The following SNTG1 variants were observed in gnomAD, a reference collection of about 807,000 sequenced individuals.
SNTG1 encodes gamma-1-syntrophin.
SNTG1 carries 39 observed loss-of-function variants against 74.7 expected under a neutral mutation model. The ratio of observed to expected loss-of-function variants is 0.52; its 90% CI spans 0.40 to 0.68. The LOEUF (loss-of-function observed/expected upper bound fraction) is 0.68. SNTG1 is among the 30% of genes least tolerant of loss of function. The probability of loss-of-function intolerance (pLI) is 0.00; values close to 1 mark genes in which losing one functional copy is unlikely to be tolerated. For missense variants in SNTG1, 685 were observed against 609.5 expected, an observed-to-expected ratio of 1.12 and a Z score of -1.30; for synonymous variants, 254 against 217.1, an observed-to-expected ratio of 1.17 and a Z score of -1.49.
intron 8 of SNTG1, among the ~76,000 whole-genome samples, chr8:50,492,135 T>A (rs12547235): frequency 6.6e-6 from 1 of 152,058 alleles, no homozygotes; most frequent in South Asian, 2.1e-4. Context: ...CAGTCTATCA[T>A]TGATGGGCAT....
intron 2 of SNTG1, among the ~76,000 whole-genome samples, chr8:50,258,160 G>A (rs1301183523): frequency 6.6e-6 from 1 of 152,154 alleles, no homozygotes; most frequent in East Asian, 1.9e-4. Flanking sequence ...ATGCAGAGTT[G>A]CTACAATATA....
chr8:50,587,825 A>C (rs1462950847), intron 12 of SNTG1, among the ~76,000 whole-genome samples: 2 of 146,126 alleles, frequency 1.4e-5, no homozygotes, highest in Non-Finnish European at 3.0e-5. Context: ...AAAAAGAAAA[A>C]AAAATTTAGC....
chr8:50,054,431 A>G (rs1222787356), intron 1 of SNTG1, among the ~76,000 whole-genome samples: 1 of 151,938 alleles, frequency 6.6e-6, no homozygotes, highest in Non-Finnish European at 1.5e-5. Context: ...CTTAACCATT[A>G]CTTATCTCCT....
intron 6 of SNTG1, among the ~76,000 whole-genome samples, chr8:50,450,232 A>G (rs2093443336): frequency 6.6e-6 from 1 of 152,218 alleles, no homozygotes; most frequent in African/African-American, 2.4e-5. Context: ...TTGAATGTCT[A>G]TGTCTTAAAC....
intron 1 of SNTG1, among the ~76,000 whole-genome samples, chr8:50,063,504 T>C (rs1820648804): frequency 6.6e-6 from 1 of 152,226 alleles, no homozygotes; most frequent in African/African-American, 2.4e-5. Flanking sequence ...CAGGATACTT[T>C]GGCTATCTTG....
In SNTG1 at chr8:50,620,909, G is replaced by T. The variant is rs549217958; in HGVS notation, c.849+29992G>T. ...AAATAAAGTGATTGTGGCTAGAGAG[G>T]CATGGATGATAGAAAGCAGGATCTC... On this transcript the variant is annotated intron_variant, in intron 13 of 18. Coordinates refer to ENST00000642720, the MANE Select transcript of SNTG1 (RefSeq NM_018967.5). 7.9e-5 allele frequency among the ~76,000 whole-genome samples: 12 copies of T among 152,260 alleles called. No homozygotes were observed. The South Asian group carries it at 2.3e-3, about 29-fold the overall frequency.
chr8:49,967,575 G>A (rs981926612), intron 1 of SNTG1, among the ~76,000 whole-genome samples: 10 of 110,964 alleles, frequency 9.0e-5, no homozygotes, highest in African/African-American at 2.9e-4. Flanking sequence ...GTTTTAATTC[G>A]AATTGGTTAA....
At chr8:50,406,301 A>G (rs2092875656) in intron 4 of SNTG1, among the ~76,000 whole-genome samples, 1 of 152,082 alleles carries the variant, frequency 6.6e-6, no homozygotes, top group South Asian at 2.1e-4. Context: ...AATTTTTGAT[A>G]GTATTGTTAA....
rs574191576 is a variant in SNTG1, at chr8:50,212,112, T to G, written c.-28+39477T>G. ...TTTTACATCTTTCTCTCAAAACTGG[T>G]TTTTTTTTCTCTCATTTTCTTCATC... On this transcript the variant is annotated intron_variant, in intron 2 of 18. Transcript: ENST00000642720. Among the ~76,000 whole-genome samples, 18 of 151,258 alleles carry G rather than the reference T, an allele frequency of 1.2e-4. No individual in the cohort carries two copies. The South Asian group carries it at 3.8e-3, about 32-fold the overall frequency.
intron 12 of SNTG1, among the ~76,000 whole-genome samples, chr8:50,585,507 T>C (rs1180689410): frequency 6.6e-6 from 1 of 152,200 alleles, no homozygotes; most frequent in African/African-American, 2.4e-5. Context: ...AGCATTGGTT[T>C]CTAAGAAGTG....
intron 2 of SNTG1, among the ~76,000 whole-genome samples, chr8:50,281,802 T>G (rs2088473376): frequency 6.6e-6 from 1 of 152,160 alleles, no homozygotes; most frequent in Non-Finnish European, 1.5e-5. Flanking sequence ...CTTCGAGTAT[T>G]TATATAAGTG....
intron 2 of SNTG1, among the ~76,000 whole-genome samples, chr8:50,353,340 C>A (rs964721285): frequency 6.6e-6 from 1 of 151,772 alleles, no homozygotes; most frequent in East Asian, 1.9e-4. Context: ...ACCAACATGG[C>A]GCATGTATAC....
intron 4 of SNTG1, among the ~76,000 whole-genome samples, chr8:50,405,924 T>TATTA (rs1394939533): frequency 6.6e-6 from 1 of 152,150 alleles, no homozygotes; most frequent in Non-Finnish European, 1.5e-5. Flanking sequence ...TATTCTAGTT[T>TATTA]ATTAGTCTAT....
At chr8:50,478,143 C>T (rs776104965) in intron 8 of SNTG1, among the ~76,000 whole-genome samples, 19 of 152,270 alleles carry the variant, frequency 1.2e-4, no homozygotes, top group Non-Finnish European at 2.4e-4. Context: ...CATATCAGCT[C>T]TTCTACCAGC....
At chr8:50,512,624 C>A (rs1011584486) in intron 9 of SNTG1, among the ~76,000 whole-genome samples, 1 of 152,094 alleles carries the variant, frequency 6.6e-6, no homozygotes, top group East Asian at 1.9e-4. Context: ...TCTTTTTATT[C>A]TTTTTTCTCT....
intron 15 of SNTG1, among the ~76,000 whole-genome samples, chr8:50,693,474 T>C (rs1453766449): frequency 3.9e-5 from 6 of 152,082 alleles, no homozygotes; most frequent in African/African-American, 1.2e-4. Context: ...CACCTAAATA[T>C]ATAAAGCCAA....
At chr8:50,508,028 A>T (rs1477785928) in intron 9 of SNTG1, among the ~76,000 whole-genome samples, 1 of 151,658 alleles carries the variant, frequency 6.6e-6, no homozygotes, top group Non-Finnish European at 1.5e-5. Context: ...TTAACTCATC[A>T]TTTAACGTTA....
intron 17 of SNTG1, 70 bp downstream of exon 17, chr8:50,709,048 CAT>C: frequency 9.2e-7 from 1 of 1,089,966 alleles, no homozygotes. Flanking sequence ...TTAAATGCCT[CAT>C]AACTCCTTTC....
rs75802659 is a variant in SNTG1 at position 50,218,796 on chromosome 8, G to A, written c.-28+46161G>A. On this transcript the variant is annotated intron_variant, in intron 2 of 18. Transcript: ENST00000642720. ...TTACAAATTAAAGAATAAAAAACTG[G>A]ATACAAATATCCTCTTTATGTAGAG... 9.5e-3 allele frequency among the ~76,000 whole-genome samples: 1,446 copies of A among 152,154 alleles called. 18 individuals carry two copies. Among genetic ancestry groups the A allele is most frequent in the Non-Finnish European group, 0.016 (1,092 of 67,998 alleles).
Sources: allele counts gnomAD v4.1 joint callset (sites outside exome capture counted in the v4.1 genomes callset), GRCh38; gene constraint gnomAD v4.1.1; transcripts MANE v1.5; gene names NCBI Gene and HGNC (gene_info 2026-07-23, HGNC 2026-07-21).